The following TRIM44 variants were observed in gnomAD, a reference collection of about 807,000 sequenced individuals.
The protein encoded by TRIM44 is tripartite motif containing 44.
TRIM44 carries 13 observed loss-of-function variants against 37.4 expected under a neutral mutation model. That is an observed-to-expected ratio of 0.35 (90% CI 0.23 to 0.55). The LOEUF (loss-of-function observed/expected upper bound fraction) is 0.55, where lower values mean the gene tolerates loss of function less well. Among genes scored for constraint, TRIM44 ranks in the 20% least tolerant of loss-of-function variants. The pLI is 0.89. For synonymous variants in TRIM44, 175 were observed against 157.2 expected (o/e 1.11, Z -0.85); for missense variants, 426 against 437.2 (o/e 0.97, Z 0.23).
intron 1 of TRIM44, among the ~76,000 whole-genome samples, chr11:35,682,409 G>A (rs2135489222): frequency 6.6e-6 from 1 of 152,222 alleles, no homozygotes; most frequent in East Asian, 1.9e-4. Context: ...TGGTGGGAGT[G>A]GATTGGGGCC....
intron 4 of TRIM44, among the ~76,000 whole-genome samples, chr11:35,793,457 G>A (rs1164227439): frequency 1.3e-5 from 2 of 152,062 alleles, no homozygotes; most frequent in African/African-American, 2.4e-5. Flanking sequence ...CCCAAGAGGC[G>A]GAGGTTGCAG....
chr11:35,664,169 T>G (rs143787326), intron 1 of TRIM44, among the ~76,000 whole-genome samples: 157 of 152,304 alleles, frequency 1.0e-3, no homozygotes, highest in African/African-American at 3.3e-3. Flanking sequence ...CTTGAAAACA[T>G]GGGAAATAGG....
chr11:35,756,765 A>G (rs1310986704), intron 4 of TRIM44, among the ~76,000 whole-genome samples: 5 of 152,160 alleles, frequency 3.3e-5, no homozygotes, highest in Admixed American at 3.3e-4. Flanking sequence ...TGAGATAATC[A>G]TGTGGTTTTT....
At chr11:35,676,394 GT>G (rs1397036369) in intron 1 of TRIM44, among the ~76,000 whole-genome samples, 1 of 152,266 alleles carries the variant, frequency 6.6e-6, no homozygotes, top group African/African-American at 2.4e-5. Flanking sequence ...CTCTCCTTCT[GT>G]TCCTTCTGCC....
At chr11:35,753,588 C>T (rs964714593) in intron 4 of TRIM44, among the ~76,000 whole-genome samples, 1 of 152,146 alleles carries the variant, frequency 6.6e-6, no homozygotes. Context: ...TAATGACAGG[C>T]AAGTATTCTC....
chr11:35,776,974 C>T (rs1174701200), intron 4 of TRIM44, among the ~76,000 whole-genome samples: 1 of 152,122 alleles, frequency 6.6e-6, no homozygotes, highest in Non-Finnish European at 1.5e-5. Flanking sequence ...ATTAGGTCTG[C>T]TTGGTGCAGA....
In TRIM44 at chr11:35,704,564, C is replaced by T. The variant is rs547323057; in HGVS notation, c.747+19228C>T. On this transcript the variant is annotated intron_variant, in intron 2 of 4. Coordinates refer to ENST00000299413, the MANE Select transcript of TRIM44 (RefSeq NM_017583.6). ...CCCATCAGACTAACAGCGGATCTCT[C>T]GGCAGAAACTCTACAAGCCAGAAGA... Among the ~76,000 whole-genome samples, 62 of 152,224 alleles carry T rather than the reference C, an allele frequency of 4.1e-4. 1 individual carries two copies. Among genetic ancestry groups the T allele is most frequent in the South Asian group, 2.3e-3 (11 of 4,816 alleles).
At chr11:35,691,737 C>T (rs1197860068) in intron 2 of TRIM44, among the ~76,000 whole-genome samples, 1 of 152,158 alleles carries the variant, frequency 6.6e-6, no homozygotes, top group Non-Finnish European at 1.5e-5. Context: ...CTCCACCTCC[C>T]AGGTTCACAC....
chr11:35,796,673 C>T (rs1443963550), intron 4 of TRIM44, among the ~76,000 whole-genome samples: 1 of 152,096 alleles, frequency 6.6e-6, no homozygotes, highest in Non-Finnish European at 1.5e-5. Flanking sequence ...CACAGGAGAT[C>T]GCCAGTGATA....
At chr11:35,703,264 C>A (rs1228708060) in intron 2 of TRIM44, among the ~76,000 whole-genome samples, 3 of 152,264 alleles carry the variant, frequency 2.0e-5, no homozygotes, top group Admixed American at 1.3e-4. Flanking sequence ...GAAGCTTGAA[C>A]TGGGTGGAGC....
chr11:35,789,874 AAATACGATAGATTTCTATT>A (rs1853182057), intron 4 of TRIM44, among the ~76,000 whole-genome samples: 5 of 151,202 alleles, frequency 3.3e-5, no homozygotes, highest in Non-Finnish European at 5.9e-5. Context: ...AATCAATCGT[AAATACGATAGATTTCTATT>A]GAAATCTATC....
At chr11:35,755,760 G>GA (rs1475123112) in intron 4 of TRIM44, among the ~76,000 whole-genome samples, 2 of 152,004 alleles carry the variant, frequency 1.3e-5, no homozygotes, top group Non-Finnish European at 2.9e-5. Context: ...ATTAAATAGG[G>GA]AATCCTTTCC....
chr11:35,756,819 C>T (rs1035809710), intron 4 of TRIM44, among the ~76,000 whole-genome samples: 2 of 152,012 alleles, frequency 1.3e-5, no homozygotes, highest in Non-Finnish European at 2.9e-5. Flanking sequence ...TATTGATGTG[C>T]GTATGTGGAA....
At chr11:35,780,236 A>T (rs576566652) in intron 4 of TRIM44, among the ~76,000 whole-genome samples, 36 of 152,348 alleles carry the variant, frequency 2.4e-4, no homozygotes, top group Non-Finnish European at 4.1e-4. Context: ...TATTTAAAAT[A>T]GATTTATAAG....
At chr11:35,666,121 GGC>G (rs1459218222) in intron 1 of TRIM44, among the ~76,000 whole-genome samples, 1 of 152,090 alleles carries the variant, frequency 6.6e-6, no homozygotes, top group Non-Finnish European at 1.5e-5. Flanking sequence ...CCATACAGAT[GGC>G]CAATTGCTAT....
chr11:35,705,911 C>T (rs1440917613), intron 2 of TRIM44, among the ~76,000 whole-genome samples: 1 of 148,608 alleles, frequency 6.7e-6, no homozygotes, highest in African/African-American at 2.4e-5. Context: ...TAACTAAAAT[C>T]AGAGCAGAAC....
At chr11:35,714,632 G>A (rs1376631319) in intron 2 of TRIM44, among the ~76,000 whole-genome samples, 1 of 152,156 alleles carries the variant, frequency 6.6e-6, no homozygotes, top group Non-Finnish European at 1.5e-5. Flanking sequence ...AACTGGAATG[G>A]AGATTGAGTC....
Position 35,807,530 on chromosome 11 carries a change from A to C in TRIM44, c.*1145A>C, listed in dbSNP as rs894258588. The C allele has an allele frequency of 3.3e-5, 5 of 152,092 alleles. No individual in the cohort carries two copies. Among genetic ancestry groups the C allele is most frequent in the Non-Finnish European group, 7.3e-5 (5 of 68,028 alleles). The allele number at this position is 152,092 out of a possible 1,614,324, so 9.4% of individuals were successfully genotyped here. On this transcript the variant is annotated 3_prime_UTR_variant, in exon 5 of 5. Transcript: ENST00000299413. ...CCTTGCTTTTCTCTACTTCCAAATCACAATTTCTTACAACCAAGCTTTGTG... is the reference window on the plus strand; with the variant it reads ...CCTTGCTTTTCTCTACTTCCAAATCCCAATTTCTTACAACCAAGCTTTGTG...
chr11:35,690,432 T>C (rs1851626393), intron 2 of TRIM44, among the ~76,000 whole-genome samples: 1 of 152,202 alleles, frequency 6.6e-6, no homozygotes, highest in African/African-American at 2.4e-5. Flanking sequence ...CAAAACCTAA[T>C]TTGAAATTCT....
Sources: allele counts gnomAD v4.1 joint callset (sites outside exome capture counted in the v4.1 genomes callset), GRCh38; gene constraint gnomAD v4.1.1; transcripts MANE v1.5; gene names NCBI Gene and HGNC (gene_info 2026-07-23, HGNC 2026-07-21).